Variants in ARHGAP10 observed in about 807,000 individuals in gnomAD.
The protein encoded by ARHGAP10 is Rho GTPase activating protein 10.
In ARHGAP10, 87 loss-of-function variants were observed where a neutral mutation model predicts 108.6. The ratio of observed to expected loss-of-function variants is 0.80; its 90% confidence interval spans 0.67 to 0.96. The LOEUF (loss-of-function observed/expected upper bound fraction) is 0.96. Among genes scored for constraint, ARHGAP10 ranks in the 40% least tolerant of loss-of-function variants. The probability of loss-of-function intolerance (pLI) is 0.00; values close to 1 mark genes in which losing one functional copy is unlikely to be tolerated. For missense variants in ARHGAP10, 939 were observed against 954.5 expected, an observed-to-expected ratio of 0.98 and a Z score of 0.21; for synonymous variants, 347 against 341.1, an observed-to-expected ratio of 1.02 and a Z score of -0.19.
intron 18 of ARHGAP10, among the ~76,000 whole-genome samples, chr4:147,979,965 A>C (rs1013307906): frequency 6.6e-6 from 1 of 152,200 alleles, no homozygotes; most frequent in African/African-American, 2.4e-5. Flanking sequence ...TTCCAGGTAG[A>C]GAATCATATT....
At chr4:147,738,007 T>A (rs923561000) in intron 1 of ARHGAP10, among the ~76,000 whole-genome samples, 2 of 151,702 alleles carry the variant, frequency 1.3e-5, no homozygotes, top group Non-Finnish European at 2.9e-5. Flanking sequence ...TCCTTGTCGC[T>A]GTGTTGTTGT....
intron 6 of ARHGAP10, chr4:147,865,257 C>T (rs1734507757): frequency 1.3e-5 from 3 of 228,322 alleles, no homozygotes; most frequent in Non-Finnish European, 2.6e-5. Flanking sequence ...TTAAAAATTT[C>T]TCTGAAATAA....
chr4:147,999,782 T>C (rs138261309), intron 18 of ARHGAP10, among the ~76,000 whole-genome samples: 52 of 152,254 alleles, frequency 3.4e-4, no homozygotes, highest in African/African-American at 1.0e-3. Flanking sequence ...CTGGTCACCA[T>C]CTTGGGAGCT....
At chr4:147,791,482 T>A (rs181643830) in intron 1 of ARHGAP10, among the ~76,000 whole-genome samples, 142 of 152,338 alleles carry the variant, frequency 9.3e-4, no homozygotes, top group African/African-American at 2.9e-3. Context: ...AGTTCTTTTT[T>A]AAAAACCTAA....
intron 1 of ARHGAP10, among the ~76,000 whole-genome samples, chr4:147,761,784 A>G (rs1004573881): frequency 1.3e-5 from 2 of 152,182 alleles, no homozygotes; most frequent in African/African-American, 2.4e-5. Flanking sequence ...TTTTGTGCTG[A>G]TTGGCACTAA....
At chr4:147,942,873 T>A (rs928390186) in intron 14 of ARHGAP10, among the ~76,000 whole-genome samples, 14 of 152,248 alleles carry the variant, frequency 9.2e-5, no homozygotes, top group African/African-American at 2.9e-4. Flanking sequence ...CCAAGCTTCT[T>A]AAGCTGCTGA....
chr4:147,977,145 A>T (rs1021476873), intron 18 of ARHGAP10, among the ~76,000 whole-genome samples: 3 of 152,248 alleles, frequency 2.0e-5, no homozygotes, highest in Non-Finnish European at 4.4e-5. Context: ...AGAACTTGGC[A>T]TTCAATCAGT....
intron 18 of ARHGAP10, among the ~76,000 whole-genome samples, chr4:148,008,610 C>A (rs6838916): frequency 0.68 from 102,460 of 151,626 alleles, 35,430 homozygotes; most frequent in East Asian, 0.88. Flanking sequence ...ATTGAGAAGC[C>A]GTCAGCAGAT....
intron 1 of ARHGAP10, among the ~76,000 whole-genome samples, chr4:147,795,400 T>A (rs1214045853): frequency 6.6e-6 from 1 of 152,250 alleles, no homozygotes; most frequent in Non-Finnish European, 1.5e-5. Flanking sequence ...GAGATCTTGG[T>A]TCTGCTGCAG....
chr4:147,770,341 A>T (rs907043344), intron 1 of ARHGAP10, among the ~76,000 whole-genome samples: 1 of 152,200 alleles, frequency 6.6e-6, no homozygotes, highest in East Asian at 1.9e-4. Flanking sequence ...CCTGGCCAAC[A>T]TGGTGAAACC....
At chr4:147,757,115 C>T (rs1729407336) in intron 1 of ARHGAP10, among the ~76,000 whole-genome samples, 1 of 149,272 alleles carries the variant, frequency 6.7e-6, no homozygotes, top group East Asian at 2.0e-4. Context: ...AGATGATAAT[C>T]TTTTCAGCTT....
At position 147,732,344 on chromosome 4, in the gene ARHGAP10, A is replaced by T. The variant is rs979146186; in HGVS notation, c.43A>T (p.Ser15Cys). 1.2e-5 allele frequency: 20 copies of T among 1,613,156 alleles called. No individual in the cohort carries two copies. The highest frequency in any genetic ancestry group is 1.7e-5 in the Non-Finnish European group (20 of 1,179,586). The change falls in exon 1 of 23, where the codon AGC (serine) becomes TGC (cysteine). Residue 15 changes from serine (S) to cysteine (C), a missense_variant. By Grantham distance (112) the Ser-to-Cys change is moderately radical. Transcript: ENST00000336498. The part of the protein sequence containing the change: ...PLEFSDCYLD[S>C]PWFRERIRAH... ...GGAGTTCAGCGACTGCTACCTCGAC[A>T]GCCCGTGGTTCCGGGAGAGGATCCG...
At chr4:147,808,822 C>G (rs75773364) in intron 1 of ARHGAP10, 6,842 of 152,404 alleles carry the variant, frequency 0.045, 217 homozygotes, top group Non-Finnish European at 0.065. Flanking sequence ...TCTCCCTCTG[C>G]CCCCTCCCTT....
At chr4:147,865,871 T>C (rs1204863764) in intron 6 of ARHGAP10, 1 of 152,254 alleles carries the variant, frequency 6.6e-6, no homozygotes, top group Non-Finnish European at 1.5e-5. Context: ...CCTGCTTTTA[T>C]TGGGCATTTA....
chr4:147,924,177 C>T (rs986212705), intron 13 of ARHGAP10, among the ~76,000 whole-genome samples: 5 of 152,196 alleles, frequency 3.3e-5, no homozygotes, highest in African/African-American at 1.2e-4. Flanking sequence ...TAAGGAAACT[C>T]TGAGAAACTA....
chr4:147,797,453 A>T lies in ARHGAP10; in HGVS notation c.155-25274A>T, dbSNP rs1731361445. Among the ~76,000 whole-genome samples, 2 of 151,982 alleles carry T rather than the reference A, an allele frequency of 1.3e-5. 1 individual carries two copies. The highest frequency in any genetic ancestry group is 4.8e-5 in the African/African-American group (2 of 41,376). The stretch of plus-strand genomic sequence containing the variant: ...TTTGTTTTTGTTTTTTTGGAGATGA[A>T]GTAGGCTGGAGTGCAGTGGCACTAT... On this transcript the variant is annotated intron_variant, in intron 1 of 22. Transcript: ENST00000336498.
At chr4:147,900,935 A>AT (rs888774049) in intron 10 of ARHGAP10, among the ~76,000 whole-genome samples, 1 of 152,052 alleles carries the variant, frequency 6.6e-6, no homozygotes, top group Non-Finnish European at 1.5e-5. Flanking sequence ...CCCAAAGTTT[A>AT]TTTTTTATTT....
At chr4:147,966,229 T>G (rs1049357689) in intron 17 of ARHGAP10, among the ~76,000 whole-genome samples, 12 of 152,224 alleles carry the variant, frequency 7.9e-5, no homozygotes, top group African/African-American at 2.9e-4. Context: ...GAAGCAAGAT[T>G]AGCACATACA....
chr4:147,910,696 A>G (rs1736696468), intron 12 of ARHGAP10, among the ~76,000 whole-genome samples: 1 of 152,200 alleles, frequency 6.6e-6, no homozygotes, highest in African/African-American at 2.4e-5. Context: ...TAACTTACAT[A>G]AAAACGTGAT....
Sources: gnomAD v4.1 joint callset for allele counts (sites outside exome capture counted in the v4.1 genomes callset) on GRCh38, gnomAD v4.1.1 for gene constraint, MANE v1.5 for transcripts, NCBI Gene and HGNC (gene_info 2026-07-23, HGNC 2026-07-21) for gene names.